RTN1: variants seen among roughly 807,000 people sequenced by gnomAD.
The protein encoded by RTN1 is reticulon-1.
Under a neutral mutation model 65.5 loss-of-function variants are expected in RTN1, and 25 were observed. That is an observed-to-expected ratio of 0.38 (90% CI 0.28 to 0.53). The LOEUF (loss-of-function observed/expected upper bound fraction) is 0.53, where lower values mean the gene tolerates loss of function less well. RTN1 is among the 20% of genes least tolerant of loss of function. The pLI is 0.79. For missense variants in RTN1, 983 were observed against 1,025.4 expected, an observed-to-expected ratio of 0.96 and a Z score of 0.57; for synonymous variants, 471 against 447.6, an observed-to-expected ratio of 1.05 and a Z score of -0.66.
At chr14:59,689,840 C>T (rs1186992768) in intron 3 of RTN1, among the ~76,000 whole-genome samples, 1 of 152,130 alleles carries the variant, frequency 6.6e-6, no homozygotes, top group Non-Finnish European at 1.5e-5. Context: ...ATGAATGATA[C>T]CTGTTACCAC....
At chr14:59,610,043 C>T in intron 3 of RTN1, 2 of 735,342 alleles carry the variant, frequency 2.7e-6, no homozygotes. Flanking sequence ...TCAGAAGAGC[C>T]TGAAAGGAGT....
intron 6 of RTN1, 124 bp downstream of exon 6, chr14:59,603,728 A>G (rs1428087648): frequency 9.6e-6 from 6 of 623,980 alleles, no homozygotes; most frequent in African/African-American, 7.3e-5. Flanking sequence ...AGTGCTCTGC[A>G]CTCAGGGATA....
At chr14:59,831,798 G>A (rs148246106) in intron 1 of RTN1, among the ~76,000 whole-genome samples, 1 of 151,418 alleles carries the variant, frequency 6.6e-6, no homozygotes, top group East Asian at 1.9e-4. Context: ...CTGTCTCTCT[G>A]GAGAACACTC....
chr14:59,647,860 C>A (rs1882933525), intron 3 of RTN1, among the ~76,000 whole-genome samples: 1 of 152,046 alleles, frequency 6.6e-6, no homozygotes. Flanking sequence ...AATGTATAAC[C>A]TAACCCTGCA....
chr14:59,754,651 A>T (rs530477031), intron 1 of RTN1, among the ~76,000 whole-genome samples: 1 of 152,338 alleles, frequency 6.6e-6, no homozygotes, highest in Admixed American at 6.5e-5. Context: ...TGCCTGATAC[A>T]TCGAACACAC....
At position 59,670,492 on chromosome 14, in the gene RTN1, T is replaced by C. The variant is rs550976354; in HGVS notation, c.1765+56427A>G. On this transcript the variant is annotated intron_variant, in intron 3 of 8. Transcript: ENST00000267484. ...TGCTCCAAATATATTCTTATTTTTC[T>C]TTTAATGTAATCTAACTTTAGGTGA... Among the ~76,000 whole-genome samples, 3 of 152,368 alleles carry C rather than the reference T, an allele frequency of 2.0e-5. No individual in the cohort carries two copies. The East Asian group carries it at 5.8e-4, about 29-fold the overall frequency.
intron 1 of RTN1, among the ~76,000 whole-genome samples, chr14:59,759,079 G>A (rs1358389870): frequency 6.6e-6 from 1 of 152,140 alleles, no homozygotes; most frequent in Admixed American, 6.5e-5. Context: ...GGTCCCATAT[G>A]GCACATCATA....
At chr14:59,843,131 G>A (rs1049760292) in intron 1 of RTN1, among the ~76,000 whole-genome samples, 1 of 152,198 alleles carries the variant, frequency 6.6e-6, no homozygotes, top group Admixed American at 6.5e-5. Flanking sequence ...TTCTATTGTA[G>A]AATATTGCAC....
intron 3 of RTN1, among the ~76,000 whole-genome samples, chr14:59,643,705 A>C (rs1384424191): frequency 6.6e-6 from 1 of 152,216 alleles, no homozygotes; most frequent in Non-Finnish European, 1.5e-5. Flanking sequence ...GCTATATACC[A>C]TGGAAAAGAT....
intron 3 of RTN1, among the ~76,000 whole-genome samples, chr14:59,635,536 G>A (rs1193716522): frequency 6.6e-6 from 1 of 152,192 alleles, no homozygotes; most frequent in Non-Finnish European, 1.5e-5. Context: ...GTGGAAGGGA[G>A]TGGGAAGAGT....
At chr14:59,643,730 A>G (rs1247233975) in intron 3 of RTN1, among the ~76,000 whole-genome samples, 2 of 152,224 alleles carry the variant, frequency 1.3e-5, no homozygotes, top group African/African-American at 4.8e-5. Flanking sequence ...CAGTCAGATT[A>G]AGTCAGAAAA....
chr14:59,851,386 T>C (rs1190578597), intron 1 of RTN1, among the ~76,000 whole-genome samples: 2 of 152,106 alleles, frequency 1.3e-5, no homozygotes, highest in Non-Finnish European at 2.9e-5. Context: ...TTATACCACA[T>C]AGGGGTTAAA....
At chr14:59,762,533 T>C (rs1885770439) in intron 1 of RTN1, among the ~76,000 whole-genome samples, 1 of 152,174 alleles carries the variant, frequency 6.6e-6, no homozygotes, top group South Asian at 2.1e-4. Context: ...TAGGGCAATA[T>C]GACTCCAAAG....
chr14:59,616,712 AT>A (rs1175536028), intron 3 of RTN1, among the ~76,000 whole-genome samples: 5 of 152,200 alleles, frequency 3.3e-5, no homozygotes, highest in African/African-American at 1.2e-4. Context: ...ATCCACAGAC[AT>A]TTTGTCTTGC....
chr14:59,651,763 C>A (rs1043916792), intron 3 of RTN1, among the ~76,000 whole-genome samples: 3 of 151,636 alleles, frequency 2.0e-5, no homozygotes, highest in Non-Finnish European at 2.9e-5. Flanking sequence ...ACAACCCCCC[C>A]AAAAAAACCC....
Position 59,770,378 on chromosome 14 carries a change from C to CAAA in RTN1, c.242-23900_242-23898dup, listed in dbSNP as rs774086177. Among the ~76,000 whole-genome samples the CAAA allele has an allele frequency of 6.7e-4, 36 of 53,724 alleles. 2 individuals are homozygous for CAAA. The highest frequency in any genetic ancestry group is 2.1e-3 in the African/African-American group (22 of 10,636). 35.2% of individuals were successfully genotyped at this position (53,724 alleles called of 152,430 possible). On this transcript the variant is annotated intron_variant, in intron 1 of 8. Coordinates refer to ENST00000267484, the MANE Select transcript of RTN1 (RefSeq NM_021136.3). Reference sequence around the variant, plus strand: ...GGGGAACAAGAGTGAAACTCTGCCTCAAAAAAAAAAAAAAAAAAAAAAAAA... The same window carrying CAAA: ...GGGGAACAAGAGTGAAACTCTGCCTCAAAAAAAAAAAAAAAAAAAAAAAAAAAA...
intron 3 of RTN1, among the ~76,000 whole-genome samples, chr14:59,719,794 A>G (rs1284117293): frequency 1.3e-5 from 2 of 152,234 alleles, no homozygotes; most frequent in African/African-American, 4.8e-5. Flanking sequence ...GCCTCTGAGA[A>G]TTAGAAGTAT....
intron 1 of RTN1, among the ~76,000 whole-genome samples, chr14:59,749,679 C>G (rs1363185993): frequency 1.7e-4 from 8 of 46,900 alleles, no homozygotes; most frequent in African/African-American, 7.0e-4. Context: ...ATTTATATAT[C>G]TATATATTTA....
In RTN1 at chr14:59,788,223, G is replaced by A. The variant is rs8005335; in HGVS notation, c.242-41742C>T. ...TGTATTTTGCAAGTTTATCAAGAAG[G>A]CAAATTTCCAGCAATGGGGCTGCTG... On this transcript the variant is annotated intron_variant, in intron 1 of 8. Coordinates refer to ENST00000267484, the MANE Select transcript of RTN1 (RefSeq NM_021136.3). Among the ~76,000 whole-genome samples, 343 of 152,266 alleles carry A rather than the reference G, an allele frequency of 2.3e-3. 2 individuals are homozygous for A. Among genetic ancestry groups the A allele is most frequent in the African/African-American group, 7.7e-3 (320 of 41,548 alleles).
Sources: gnomAD v4.1 joint callset for allele counts (sites outside exome capture counted in the v4.1 genomes callset) on GRCh38, gnomAD v4.1.1 for gene constraint, MANE v1.5 for transcripts, NCBI Gene and HGNC (gene_info 2026-07-23, HGNC 2026-07-21) for gene names.